The following SLC2A4 variants were observed in gnomAD, a reference collection of about 807,000 sequenced individuals.
The protein encoded by SLC2A4 is solute carrier family 2, facilitated glucose transporter member 4.
Under a neutral mutation model 53.3 loss-of-function variants are expected in SLC2A4, and 31 were observed. That is an observed-to-expected ratio of 0.58 (90% CI 0.44 to 0.78). The LOEUF is 0.78. Among genes scored for constraint, SLC2A4 ranks in the 30% least tolerant of loss-of-function variants. The pLI is 0.00. For synonymous variants in SLC2A4, 276 were observed against 281.9 expected (o/e 0.98, Z 0.21); for missense variants, 538 against 655.7 (o/e 0.82, Z 1.96).
rs1028090615 is a variant in SLC2A4 at position 7,282,090 on chromosome 17, C to G, written c.33+123C>G. The G allele has an allele frequency of 3.3e-5, 27 of 822,614 alleles. No homozygotes were observed. Among genetic ancestry groups the G allele is most frequent in the Non-Finnish European group, 5.5e-5 (27 of 491,182 alleles). The allele number at this position is 822,614 out of a possible 1,614,324, so 51.0% of individuals were successfully genotyped here. A position where few individuals can be genotyped will look rare whatever the true frequency, so the allele number is the denominator to read the frequency against. On this transcript the variant is annotated intron_variant, in intron 1 of 10. Coordinates refer to ENST00000317370, the MANE Select transcript of SLC2A4 (RefSeq NM_001042.3). This position sits in a 1 kb window ranked among gnomAD's most constrained non-coding sequence, Gnocchi z 4.1. ...AGGCGCAGGGGGTGAAGGTAGGGGG[C>G]TGGCTATTTATACCCGGCCTGGACA...
At position 7,284,158 on chromosome 17, in the gene SLC2A4, T is replaced by A. The variant is rs1047889495; in HGVS notation, c.565-59T>A. ...TGGGGCTCTGGAGAATATGGTGGGC[T>A]TCCAAGGTAAGGCAGAAGGGCTGAG... is the stretch of plus-strand genomic sequence containing the variant. On this transcript the variant is annotated intron_variant, in intron 5 of 10. Transcript: ENST00000317370. The surrounding 1 kb of genome is among the most constrained non-coding windows in gnomAD (Gnocchi z 7.5). 41 of 1,611,240 alleles carry A rather than the reference T, an allele frequency of 2.5e-5. 1 individual carries two copies. The South Asian group carries it at 4.3e-4, about 17-fold the overall frequency.
rs2072426825 is a variant in SLC2A4 at position 7,284,041 on chromosome 17, G to A, written c.516G>A (p.Leu172=). 1 of 1,613,940 alleles carries A rather than the reference G, an allele frequency of 6.2e-7. No homozygotes were observed. The highest frequency in any genetic ancestry group is 2.2e-5 in the East Asian group (1 of 44,874). The change falls in exon 5 of 11, where the codon CTG becomes CTA. Residue 172 remains leucine (L), a synonymous_variant. Coordinates refer to ENST00000317370, the MANE Select transcript of SLC2A4 (RefSeq NM_001042.3). The surrounding 1 kb of genome is among the most constrained non-coding windows in gnomAD (Gnocchi z 7.5). ...CTCCCACTCACCTGCGGGGCGCCCT[G>A]GGGACGCTCAACCAACTGGCCATTG... ...EIAPTHLRGA[L]GTLNQLAIVI... is the part of the protein sequence containing the mutation.
Position 7,286,563 on chromosome 17 carries a change from T to C in SLC2A4, c.1464T>C (p.Ser488=), listed in dbSNP as rs2072452226. ...CAGCTGCCTTCCACCGGACACCCTCTCTTTTAGAGCAGGAGGTGAAACCCA... is the reference window on the plus strand; with the variant it reads ...CAGCTGCCTTCCACCGGACACCCTCCCTTTTAGAGCAGGAGGTGAAACCCA... The part of the protein sequence containing the change: ...QISAAFHRTP[S]LLEQEVKPST... Residue 488 remains serine, a synonymous_variant, in exon 11 of 11, where the codon TCT becomes TCC. Coordinates refer to ENST00000317370, the MANE Select transcript of SLC2A4 (RefSeq NM_001042.3). 3.7e-6 allele frequency: 6 copies of C among 1,614,178 alleles called. No individual in the cohort carries two copies. The highest frequency in any genetic ancestry group is 5.1e-6 in the Non-Finnish European group (6 of 1,180,046).
At position 7,286,839 on chromosome 17, in the gene SLC2A4, G is replaced by T. The variant is rs771400739; in HGVS notation, c.*210G>T. 22 of 569,568 alleles carry T rather than the reference G, an allele frequency of 3.9e-5. No homozygotes were observed. The Admixed American group carries it at 5.3e-4, about 14-fold the overall frequency. 35.3% of individuals were successfully genotyped at this position (569,568 alleles called of 1,614,324 possible). A position where few individuals can be genotyped will look rare whatever the true frequency, so the allele number is the denominator to read the frequency against. On this transcript the variant is annotated 3_prime_UTR_variant, in exon 11 of 11. Transcript: ENST00000317370. ...CTCTCTTGGATTATTTATGTGTTGT[G>T]GTTTGGCCGTGGCCATCAGGGTGGG...
chr17:7,283,491 A>G lies in SLC2A4; in HGVS notation c.169A>G (p.Asn57Asp). The change falls in exon 3 of 11, where the codon AAT (asparagine) becomes GAT (aspartate). Residue 57 changes from asparagine to aspartate, a missense_variant. Asn to Asp is a conservative substitution (Grantham distance 23). Transcript: ENST00000317370. This position sits in a 1 kb window ranked among gnomAD's most constrained non-coding sequence, Gnocchi z 5.8. ...CCCCCAGGTGATTGAACAGAGCTAC[A>G]ATGAGACGTGGCTGGGGAGGCAGGG... The part of the protein sequence containing the change: ...APQKVIEQSY[N>D]ETWLGRQGPE... The G allele has an allele frequency of 6.2e-7, 1 of 1,613,686 alleles. No individual in the cohort carries two copies. The highest frequency in any genetic ancestry group is 2.2e-5 in the East Asian group (1 of 44,840).
rs932739414 is a variant in SLC2A4 at position 7,287,317 on chromosome 17, G to A, written c.*688G>A. On this transcript the variant is annotated 3_prime_UTR_variant, in exon 11 of 11. Transcript: ENST00000317370. ...TATTTTGTATTTTTAGTATATACGC[G>A]GTTTCACCATGTTAGCCAGAATGGT... is the stretch of plus-strand genomic sequence containing the variant. 6.6e-6 allele frequency: 1 copy of A among 152,584 alleles called. No individual in the cohort carries two copies. The highest frequency in any genetic ancestry group is 2.4e-5 in the African/African-American group (1 of 41,368). The allele number at this position is 152,584 out of a possible 1,614,324, so 9.5% of individuals were successfully genotyped here.
In SLC2A4 at chr17:7,286,576, G is replaced by A. The variant is rs2072452382; in HGVS notation, c.1477G>A (p.Glu493Lys). 1 of 1,614,178 alleles carries A rather than the reference G, an allele frequency of 6.2e-7. No individual in the cohort carries two copies. Among genetic ancestry groups the A allele is most frequent in the South Asian group, 1.1e-5 (1 of 91,078 alleles). Residue 493 changes from glutamate (E) to lysine (K), a missense_variant, in exon 11 of 11, where the codon GAG becomes AAG. Transcript: ENST00000317370. ...CCGGACACCCTCTCTTTTAGAGCAG[G>A]AGGTGAAACCCAGCACAGAACTTGA... is the stretch of plus-strand genomic sequence containing the variant. ...FHRTPSLLEQ[E>K]VKPSTELEYL... is the part of the protein sequence containing the mutation.
intron 10 of SLC2A4, 118 bp downstream of exon 10, chr17:7,286,026 G>A (rs2072447033): frequency 3.3e-6 from 3 of 915,330 alleles, no homozygotes; most frequent in African/African-American, 1.7e-5. Flanking sequence ...CTTTGGGTCA[G>A]TTTGGTGGAC....
In SLC2A4 at chr17:7,283,735, C is replaced by T. The variant is rs750692763; in HGVS notation, c.324-3C>T. The T allele has an allele frequency of 7.4e-6, 12 of 1,614,058 alleles. No individual in the cohort carries two copies. Among genetic ancestry groups the T allele is most frequent in the East Asian group, 4.5e-5 (2 of 44,880 alleles). On this transcript the variant is annotated splice_region_variant and splice_polypyrimidine_tract_variant and intron_variant, in intron 3 of 10. Transcript: ENST00000317370. The surrounding 1 kb of genome is among the most constrained non-coding windows in gnomAD (Gnocchi z 5.8). ...TCACAGCCTCACTCTGTCTGCCTGC[C>T]AGGAAAAGGGCCATGCTGGTCAACA...
In SLC2A4 at chr17:7,285,138, G is replaced by T; in HGVS notation, c.1071G>T (p.Leu357=). The T allele has an allele frequency of 6.2e-7, 1 of 1,604,860 alleles. No homozygotes were observed. ...GCCGGACGCTCCATCTCCTGGGCCT[G>T]GCGGGCATGTGTGGCTGTGCCATCC... is the stretch of plus-strand genomic sequence containing the variant. ...AGRRTLHLLG[L]AGMCGCAILM... The change falls in exon 9 of 11, where the codon CTG becomes CTT. Residue 357 remains leucine (L), a synonymous_variant. Coordinates refer to ENST00000317370, the MANE Select transcript of SLC2A4 (RefSeq NM_001042.3). The surrounding 1 kb of genome is among the most constrained non-coding windows in gnomAD (Gnocchi z 6.0).
rs779610105 is a variant in SLC2A4 at position 7,284,564 on chromosome 17, T to A, written c.807T>A (p.Arg269=). The A allele has an allele frequency of 6.2e-7, 1 of 1,614,178 alleles. No homozygotes were observed. Among genetic ancestry groups the A allele is most frequent in the East Asian group, 2.2e-5 (1 of 44,878 alleles). The change falls in exon 7 of 11, where the codon CGT becomes CGA. Residue 269 remains arginine, a synonymous_variant. Transcript: ENST00000317370. This position sits in a 1 kb window ranked among gnomAD's most constrained non-coding sequence, Gnocchi z 7.5. ...AGGATGAGAAGCGGAAGCTGGAGCG[T>A]GAGCGGCCACTGTCCCTGCTCCAGC... The part of the protein sequence containing the change: ...ELKDEKRKLE[R]ERPLSLLQLL...
chr17:7,284,585 C>G lies in SLC2A4; in HGVS notation c.828C>G (p.Leu276=). 6.2e-7 allele frequency: 1 copy of G among 1,614,188 alleles called. No homozygotes were observed. Among genetic ancestry groups the G allele is most frequent in the Non-Finnish European group, 8.5e-7 (1 of 1,180,046 alleles). The change falls in exon 7 of 11, where the codon CTC becomes CTG. Residue 276 remains leucine, a synonymous_variant. Coordinates refer to ENST00000317370, the MANE Select transcript of SLC2A4 (RefSeq NM_001042.3). This position sits in a 1 kb window ranked among gnomAD's most constrained non-coding sequence, Gnocchi z 7.5. ...KLERERPLSL[L]QLLGSRTHRQ... is the part of the protein sequence containing the mutation. ...AGCGTGAGCGGCCACTGTCCCTGCT[C>G]CAGCTCCTGGGCAGCCGTACCCACC...
Position 7,286,779 on chromosome 17 carries a change from G to C in SLC2A4, c.*150G>C. The C allele has an allele frequency of 1.3e-6, 1 of 744,984 alleles. No individual in the cohort carries two copies. Among genetic ancestry groups the C allele is most frequent in the Non-Finnish European group, 2.3e-6 (1 of 433,304 alleles). 46.1% of individuals were successfully genotyped at this position (744,984 alleles called of 1,614,324 possible). A position where few individuals can be genotyped will look rare whatever the true frequency, so the allele number is the denominator to read the frequency against. ...GGTAGAATTGGGAAGCTGGGGGAAG[G>C]GTGGTCTGAGCACCCCCTCATTCCC... On this transcript the variant is annotated 3_prime_UTR_variant, in exon 11 of 11. Transcript: ENST00000317370.
chr17:7,288,091 T>C lies in SLC2A4; in HGVS notation c.*1462T>C, dbSNP rs537893470. On this transcript the variant is annotated 3_prime_UTR_variant, in exon 11 of 11. Coordinates refer to ENST00000317370, the MANE Select transcript of SLC2A4 (RefSeq NM_001042.3). ...GGGAGGTGTCAGCCCATGTCACAGA[T>C]GGGCAGTGAAACCCATGATAGGGGC... 2 of 152,542 alleles carry C rather than the reference T, an allele frequency of 1.3e-5. No individual in the cohort carries two copies. The highest frequency in any genetic ancestry group is 1.3e-4 in the Admixed American group (2 of 15,326). 9.4% of individuals were successfully genotyped at this position (152,542 alleles called of 1,614,324 possible).
Position 7,281,920 on chromosome 17 carries a change from C to A in SLC2A4, c.-15C>A, listed in dbSNP as rs1429398636. ...ATCTTCGCCGCCCCTGCGCGTCCAG[C>A]TCTTCTAAGACGAGATGCCGTCGGG... On this transcript the variant is annotated 5_prime_UTR_variant, in exon 1 of 11. Transcript: ENST00000317370. The A allele has an allele frequency of 9.4e-6, 15 of 1,602,406 alleles. No individual in the cohort carries two copies. The highest frequency in any genetic ancestry group is 1.3e-5 in the Non-Finnish European group (15 of 1,174,140).
rs1309437387 is a variant in SLC2A4 at position 7,286,459 on chromosome 17, G to T, written c.1360G>T (p.Ala454Ser). The change falls in exon 11 of 11, where the codon GCG (alanine) becomes TCG (serine). Residue 454 changes from alanine to serine, a missense_variant. Ala to Ser is a moderately conservative substitution (Grantham distance 99). Coordinates refer to ENST00000317370, the MANE Select transcript of SLC2A4 (RefSeq NM_001042.3). ...AMGPYVFLLFAVLLLGFFIFT... is the reference protein window; with the variant it reads ...AMGPYVFLLFSVLLLGFFIFT... ...GGGGCCCTACGTCTTCCTTCTATTT[G>T]CGGTCCTCCTGCTGGGCTTCTTCAT... The T allele has an allele frequency of 1.2e-6, 2 of 1,613,946 alleles. No homozygotes were observed. Among genetic ancestry groups the T allele is most frequent in the African/African-American group, 2.7e-5 (2 of 74,872 alleles).
chr17:7,282,471 CAG>C lies in SLC2A4; in HGVS notation c.33+505_33+506del, dbSNP rs1249725940. ...AGGGGACTGTCAGCCCCCCCTCCTC[CAG>C]CTCAGGTTTCCGCTTGGAGACAGTC... On this transcript the variant is annotated intron_variant, in intron 1 of 10. Transcript: ENST00000317370. The surrounding 1 kb of genome is among the most constrained non-coding windows in gnomAD (Gnocchi z 4.1). 1 of 449,312 alleles carries C rather than the reference CAG, an allele frequency of 2.2e-6. No homozygotes were observed. The highest frequency in any genetic ancestry group is 2.0e-5 in the African/African-American group (1 of 49,954). 27.8% of individuals were successfully genotyped at this position (449,312 alleles called of 1,614,324 possible).
rs758627965 is a variant in SLC2A4 at position 7,286,404 on chromosome 17, CCT to C, written c.1327-19_1327-18del. 3 of 1,610,538 alleles carry C rather than the reference CCT, an allele frequency of 1.9e-6. No individual in the cohort carries two copies. Among genetic ancestry groups the C allele is most frequent in the African/African-American group, 2.7e-5 (2 of 74,956 alleles). ...CCCTCCCCACCTCACTCCGTCAACA[CCT>C]CTTTCTCCACCTGTCCCAGGAGGCT... On this transcript the variant is annotated intron_variant, in intron 10 of 10. Coordinates refer to ENST00000317370, the MANE Select transcript of SLC2A4 (RefSeq NM_001042.3).
At position 7,286,793 on chromosome 17, in the gene SLC2A4, C is replaced by T. The variant is rs1487609153; in HGVS notation, c.*164C>T. ...GCTGGGGGAAGGGTGGTCTGAGCAC[C>T]CCCTCATTCCCCTCGTGTGACTCTC... On this transcript the variant is annotated 3_prime_UTR_variant, in exon 11 of 11. Coordinates refer to ENST00000317370, the MANE Select transcript of SLC2A4 (RefSeq NM_001042.3). 4.5e-6 allele frequency: 3 copies of T among 668,282 alleles called. No homozygotes were observed. The highest frequency in any genetic ancestry group is 7.9e-6 in the Non-Finnish European group (3 of 379,726). 41.4% of individuals were successfully genotyped at this position (668,282 alleles called of 1,614,324 possible). A position where few individuals can be genotyped will look rare whatever the true frequency, so the allele number is the denominator to read the frequency against.
Sources: gnomAD v4.1 joint callset for allele counts on GRCh38, gnomAD v4.1.1 for gene constraint, Gnocchi (gnomAD v3.1) non-coding constraint, MANE v1.5 for transcripts, NCBI Gene and HGNC (gene_info 2026-07-23, HGNC 2026-07-21) for gene names.